Variants in FBXO5 observed in about 807,000 individuals in gnomAD.
FBXO5 encodes F-box only protein 5.
FBXO5 carries 8 observed loss-of-function variants against 43.3 expected under a neutral mutation model. The ratio of observed to expected loss-of-function variants is 0.18; its 90% CI spans 0.11 to 0.33. The LOEUF is 0.33. Among genes scored for constraint, FBXO5 ranks in the 10% least tolerant of loss-of-function variants. The pLI is 1.00. For missense variants in FBXO5, 491 were observed against 535.7 expected, an observed-to-expected ratio of 0.92 and a Z score of 0.82; for synonymous variants, 204 against 193.7, an observed-to-expected ratio of 1.05 and a Z score of -0.44.
intron 1 of FBXO5, among the ~76,000 whole-genome samples, chr6:152,978,381 G>GTTT (rs1353080824): frequency 9.9e-5 from 5 of 50,650 alleles, no homozygotes; most frequent in African/African-American, 1.7e-4. Context: ...ATTTTTTGGG[G>GTTT]GGGGGGGGGG....
intron 2 of FBXO5, among the ~76,000 whole-genome samples, chr6:152,974,679 T>TTGGAGCAC (rs1284869399): frequency 3.3e-5 from 5 of 152,202 alleles, no homozygotes; most frequent in African/African-American, 2.4e-5. Context: ...GAAATGCACA[T>TTGGAGCAC]TGGAGCACTT....
chr6:152,981,008 A>C (rs941467421), intron 1 of FBXO5, among the ~76,000 whole-genome samples: 1 of 152,244 alleles, frequency 6.6e-6, no homozygotes, highest in African/African-American at 2.4e-5. Flanking sequence ...ACAATCATTA[A>C]CATTTGAAAG....
chr6:152,981,363 T>G (rs1396062136), intron 1 of FBXO5, among the ~76,000 whole-genome samples: 1 of 152,214 alleles, frequency 6.6e-6, no homozygotes, highest in Non-Finnish European at 1.5e-5. Flanking sequence ...TTAAAAATCT[T>G]TGTAACTCTT....
At chr6:152,972,217 ATTTCTT>A in intron 4 of FBXO5, 49 bp downstream of exon 4, 1 of 1,361,468 alleles carries the variant, frequency 7.3e-7, no homozygotes, top group Non-Finnish European at 1.0e-6. Context: ...GTTCTTTTAC[ATTTCTT>A]ACTCTAAATC....
intron 3 of FBXO5, 170 bp from the exon 4 acceptor site, chr6:152,972,624 C>T: frequency 3.6e-6 from 2 of 560,298 alleles, no homozygotes; most frequent in Admixed American, 3.1e-5. Context: ...TAAATACTCA[C>T]ACATATCAAG....
Position 152,975,402 on chromosome 6 carries a change from A to G in FBXO5, c.323T>C (p.Leu108Pro), listed in dbSNP as rs1778153261. Residue 108 changes from leucine (L) to proline (P), a missense_variant, in exon 2 of 5, where the codon CTT becomes CCT. By Grantham distance (98) the Leu-to-Pro change is moderately conservative (BLOSUM62 -3). Transcript: ENST00000229758. ...ATGCAAGCGCTTGCTTTCAGTTTCAAGTTGTACAATCCTAGGGCTCACAAT... is the reference window on the plus strand; with the variant it reads ...ATGCAAGCGCTTGCTTTCAGTTTCAGGTTGTACAATCCTAGGGCTCACAAT... ...SPIVSPRIVQ[L>P]ETESKRLHNK... 1.9e-6 allele frequency: 3 copies of G among 1,613,834 alleles called. No homozygotes were observed. The highest frequency in any genetic ancestry group is 2.5e-6 in the Non-Finnish European group (3 of 1,179,934).
intron 1 of FBXO5, among the ~76,000 whole-genome samples, chr6:152,980,612 G>C (rs1181701484): frequency 1.3e-5 from 2 of 152,180 alleles, no homozygotes; most frequent in South Asian, 2.1e-4. Flanking sequence ...AGAATAGTTA[G>C]AAGTGTTTAT....
At chr6:152,972,504 C>T in intron 3 of FBXO5, 50 bp from the exon 4 acceptor site, 1 of 1,241,230 alleles carries the variant, frequency 8.1e-7, no homozygotes, top group South Asian at 1.5e-5. Context: ...TTCCTGTATC[C>T]TCAATGAGAC....
chr6:152,978,147 AT>A (rs1168261794), intron 1 of FBXO5, among the ~76,000 whole-genome samples: 4 of 152,136 alleles, frequency 2.6e-5, no homozygotes, highest in Admixed American at 2.0e-4. Context: ...CATACTGTTT[AT>A]AAAAATGATA....
At chr6:152,974,627 CA>C (rs1472425462) in intron 2 of FBXO5, among the ~76,000 whole-genome samples, 1 of 152,104 alleles carries the variant, frequency 6.6e-6, no homozygotes, top group Non-Finnish European at 1.5e-5. Context: ...ATCTCTAATC[CA>C]AAAATCTGAA....
chr6:152,973,037 A>G lies in FBXO5; in HGVS notation c.909+9T>C, dbSNP rs1404994884. ...TTTTTAACTAAAAACATCATCTGCAAACACTTACGGTAACTCTTTGTATTG... is the reference window on the plus strand; with the variant it reads ...TTTTTAACTAAAAACATCATCTGCAGACACTTACGGTAACTCTTTGTATTG... On this transcript the variant is annotated intron_variant, in intron 3 of 4. Transcript: ENST00000229758. 6.2e-7 allele frequency: 1 copy of G among 1,610,404 alleles called. No individual in the cohort carries two copies. Among genetic ancestry groups the G allele is most frequent in the South Asian group, 1.1e-5 (1 of 90,984 alleles).
At position 152,975,340 on chromosome 6, in the gene FBXO5, T is replaced by A. The variant is rs753379176; in HGVS notation, c.385A>T (p.Ser129Cys). Reference sequence around the variant, plus strand: ...TCTAGTGCTTCTATTTCATTTGTACTATTAAGTGTCTGTTGCACATGTTGA... The same window carrying A: ...TCTAGTGCTTCTATTTCATTTGTACAATTAAGTGTCTGTTGCACATGTTGA... ...ENQHVQQTLN[S>C]TNEIEALETS... is the part of the protein sequence containing the mutation. Residue 129 changes from serine to cysteine, a missense_variant, in exon 2 of 5, where the codon AGT (serine) becomes TGT (cysteine). Physicochemically the swap from Ser to Cys is moderately radical, Grantham distance 112. Transcript: ENST00000229758. The A allele has an allele frequency of 6.2e-7, 1 of 1,614,190 alleles. No homozygotes were observed. Among genetic ancestry groups the A allele is most frequent in the Non-Finnish European group, 8.5e-7 (1 of 1,180,014 alleles).
At chr6:152,977,684 TAG>T (rs1038953377) in intron 1 of FBXO5, among the ~76,000 whole-genome samples, 3 of 152,156 alleles carry the variant, frequency 2.0e-5, no homozygotes, top group African/African-American at 7.2e-5. Context: ...ACTAAAGAAT[TAG>T]GTTTGATTTA....
At chr6:152,979,198 G>A (rs756904154) in intron 1 of FBXO5, among the ~76,000 whole-genome samples, 7 of 152,168 alleles carry the variant, frequency 4.6e-5, no homozygotes, top group Non-Finnish European at 8.8e-5. Context: ...GTGGACTGCT[G>A]TAGTTTCTAC....
chr6:152,975,216 C>T lies in FBXO5; in HGVS notation c.509G>A (p.Gly170Asp). 2 of 1,614,114 alleles carry T rather than the reference C, an allele frequency of 1.2e-6. No homozygotes were observed. The highest frequency in any genetic ancestry group is 1.7e-6 in the Non-Finnish European group (2 of 1,180,016). Residue 170 changes from glycine (G) to aspartate (D), a missense_variant, in exon 2 of 5, where the codon GGT (glycine) becomes GAT (aspartate). Coordinates refer to ENST00000229758, the MANE Select transcript of FBXO5 (RefSeq NM_012177.5). Reference protein sequence around the residue: ...EEGSLLEENFGDSLQSCLLQI... With the variant: ...EEGSLLEENFDDSLQSCLLQI... The stretch of plus-strand genomic sequence containing the variant: ...TAGCAGGCAGGATTGTAGACTGTCA[C>T]CGAAATTCTCCTCCAGGAGGCTACC...
chr6:152,977,331 G>T (rs1778184437), intron 1 of FBXO5, among the ~76,000 whole-genome samples: 1 of 152,142 alleles, frequency 6.6e-6, no homozygotes, highest in Non-Finnish European at 1.5e-5. Context: ...TGTTTAGTCT[G>T]CACTAAATAT....
intron 1 of FBXO5, among the ~76,000 whole-genome samples, chr6:152,981,563 C>A (rs1020866603): frequency 6.6e-6 from 1 of 151,902 alleles, no homozygotes; most frequent in African/African-American, 2.4e-5. Flanking sequence ...TTTTTAATTT[C>A]ATCTCCTCAA....
At chr6:152,974,271 AG>A (rs1265726741) in intron 2 of FBXO5, among the ~76,000 whole-genome samples, 3 of 152,088 alleles carry the variant, frequency 2.0e-5, no homozygotes, top group African/African-American at 2.4e-5. Flanking sequence ...TGTCAAATCT[AG>A]GAGAGCCCTA....
Position 152,975,816 on chromosome 6 carries a change from A to C in FBXO5, c.104-195T>G, listed in dbSNP as rs1177818219. On this transcript the variant is annotated intron_variant, in intron 1 of 4. Coordinates refer to ENST00000229758, the MANE Select transcript of FBXO5 (RefSeq NM_012177.5). ...AATAATATGTGAAAATATTACTTAAATCTTATAAGTACATACATATTATAT... is the reference window on the plus strand; with the variant it reads ...AATAATATGTGAAAATATTACTTAACTCTTATAAGTACATACATATTATAT... 2.0e-5 allele frequency among the ~76,000 whole-genome samples: 3 copies of C among 152,228 alleles called. No individual in the cohort carries two copies. The East Asian group carries it at 5.8e-4, about 29-fold the overall frequency.
Sources: allele counts gnomAD v4.1 joint callset (sites outside exome capture counted in the v4.1 genomes callset), GRCh38; gene constraint gnomAD v4.1.1; transcripts MANE v1.5; gene names NCBI Gene and HGNC (gene_info 2026-07-23, HGNC 2026-07-21).